Variants in WDR20 observed in about 807,000 individuals in gnomAD.
WDR20 encodes the protein WD repeat-containing protein 20.
A neutral mutation model predicts 38.7 loss-of-function variants in WDR20; 3 were observed. That is an observed-to-expected ratio of 0.08 (90% CI 0.04 to 0.20). WDR20 has a LOEUF of 0.20. Among genes scored for constraint, WDR20 ranks in the 10% least tolerant of loss-of-function variants. The pLI is 1.00. For synonymous variants in WDR20, 298 were observed against 285.6 expected (o/e 1.04, Z -0.44); for missense variants, 559 against 727.7 (o/e 0.77, Z 2.67).
chr14:102,194,319 A>G (rs2059048717), intron 1 of WDR20, among the ~76,000 whole-genome samples: 2 of 152,214 alleles, frequency 1.3e-5, no homozygotes, highest in South Asian at 2.1e-4. Flanking sequence ...AGCCACCTGT[A>G]TAGAGTGGGC....
chr14:102,161,489 T>G (rs1009115235), intron 1 of WDR20, among the ~76,000 whole-genome samples: 1 of 151,944 alleles, frequency 6.6e-6, no homozygotes, highest in African/African-American at 2.4e-5. Flanking sequence ...AATTTTTGTG[T>G]TTTTTGTATA....
Position 102,195,038 on chromosome 14 carries a change from C to T in WDR20, c.350C>T (p.Ser117Phe). 1.2e-6 allele frequency: 2 copies of T among 1,614,230 alleles called. No homozygotes were observed. Among genetic ancestry groups the T allele is most frequent in the Non-Finnish European group, 1.7e-6 (2 of 1,180,042 alleles). Reference protein sequence around the residue: ...NHLTATAESVSLLVGFSAGQV... With the variant: ...NHLTATAESVFLLVGFSAGQV... The stretch of plus-strand genomic sequence containing the variant: ...CTAACAGCCACAGCAGAAAGTGTCT[C>T]TCTCCTAGTGGGCTTTTCCGCAGGC... The change falls in exon 2 of 3, where the codon TCT (serine) becomes TTT (phenylalanine). Residue 117 changes from serine (S) to phenylalanine (F), a missense_variant. Coordinates refer to ENST00000342702, the MANE Select transcript of WDR20 (RefSeq NM_144574.4).
chr14:102,206,497 G>T (rs958758660), intron 2 of WDR20, among the ~76,000 whole-genome samples: 1 of 152,166 alleles, frequency 6.6e-6, no homozygotes, highest in East Asian at 1.9e-4. Flanking sequence ...TAACCGTGCT[G>T]CTAGAAGTTT....
At chr14:102,172,096 G>T (rs1196171611) in intron 1 of WDR20, among the ~76,000 whole-genome samples, 2 of 151,372 alleles carry the variant, frequency 1.3e-5, no homozygotes, top group South Asian at 2.1e-4. Flanking sequence ...AGATTAGGGA[G>T]TGGTGATGAC....
intron 1 of WDR20, among the ~76,000 whole-genome samples, chr14:102,158,141 A>G (rs2057866588): frequency 6.6e-6 from 1 of 152,088 alleles, no homozygotes; most frequent in African/African-American, 2.4e-5. Context: ...GCTAAAGTGA[A>G]TCCTCTGCCT....
chr14:102,203,073 T>G (rs1446493083), intron 2 of WDR20, among the ~76,000 whole-genome samples: 1 of 152,172 alleles, frequency 6.6e-6, no homozygotes, highest in East Asian at 1.9e-4. Context: ...CATAGCCTCC[T>G]AACTGGTTCC....
intron 1 of WDR20, among the ~76,000 whole-genome samples, chr14:102,142,774 CTTTTTTT>C (rs71116885): frequency 1.2e-3 from 100 of 85,018 alleles, no homozygotes; most frequent in African/African-American, 4.1e-3. Context: ...GCTGTTTTGA[CTTTTTTT>C]TTTTTTTTTT....
intron 1 of WDR20, among the ~76,000 whole-genome samples, chr14:102,150,269 A>G (rs983779094): frequency 3.3e-5 from 5 of 152,090 alleles, no homozygotes; most frequent in Non-Finnish European, 7.4e-5. Flanking sequence ...TGAGGCTAGG[A>G]GTTGGAAACA....
intron 1 of WDR20, among the ~76,000 whole-genome samples, chr14:102,163,627 C>CAAAAAAAA (rs58628061): frequency 0.032 from 2,011 of 62,712 alleles, 404 homozygotes; most frequent in African/African-American, 0.14. Context: ...GACTCTGTCT[C>CAAAAAAAA]AAAAAAAAAA....
At chr14:102,167,900 A>G (rs2060071183) in intron 1 of WDR20, among the ~76,000 whole-genome samples, 1 of 152,204 alleles carries the variant, frequency 6.6e-6, no homozygotes, top group Non-Finnish European at 1.5e-5. Context: ...TGAATGGATA[A>G]ATATACAAGG....
chr14:102,174,476 A>G (rs1312138880), intron 1 of WDR20, among the ~76,000 whole-genome samples: 1 of 152,098 alleles, frequency 6.6e-6, no homozygotes, highest in African/African-American at 2.4e-5. Flanking sequence ...CTAGAGTGCA[A>G]TGGCACAATC....
intron 1 of WDR20, among the ~76,000 whole-genome samples, chr14:102,175,060 A>G (rs1420573775): frequency 6.6e-6 from 1 of 152,114 alleles, no homozygotes; most frequent in Non-Finnish European, 1.5e-5. Context: ...TTTTTCATTT[A>G]ATTAAGTCCC....
chr14:102,178,625 A>G (rs184672359), intron 1 of WDR20, among the ~76,000 whole-genome samples: 197 of 151,936 alleles, frequency 1.3e-3, no homozygotes, highest in African/African-American at 4.6e-3. Flanking sequence ...AGGCTCAGCA[A>G]TCTGTGGTGT....
At chr14:102,146,109 C>T (rs2053558126) in intron 1 of WDR20, among the ~76,000 whole-genome samples, 1 of 151,776 alleles carries the variant, frequency 6.6e-6, no homozygotes, top group Non-Finnish European at 1.5e-5. Context: ...GGAAAGCAAG[C>T]TGAAAACATT....
intron 1 of WDR20, among the ~76,000 whole-genome samples, chr14:102,141,561 A>C (rs2152655547): frequency 6.6e-6 from 1 of 151,954 alleles, no homozygotes; most frequent in South Asian, 2.1e-4. Flanking sequence ...TTTTACTCCT[A>C]CTCCCAACTT....
rs11317533 is a variant in WDR20 at position 102,185,814 on chromosome 14, C to CA, written c.250-9108dup. 3.3e-3 allele frequency among the ~76,000 whole-genome samples: 367 copies of CA among 112,458 alleles called. 5 individuals carry two copies. The highest frequency in any genetic ancestry group is 0.03 in the East Asian group (105 of 3,454). The allele number at this position is 112,458 out of a possible 152,430, so 73.8% of individuals were successfully genotyped here. A position where few individuals can be genotyped will look rare whatever the true frequency, so the allele number is the denominator to read the frequency against. On this transcript the variant is annotated intron_variant, in intron 1 of 2. Coordinates refer to ENST00000342702, the MANE Select transcript of WDR20 (RefSeq NM_144574.4). The stretch of plus-strand genomic sequence containing the variant: ...TGGGCGACAGAGCGAGACTCCATCT[C>CA]AAAAAAAAAAAAAAAAGCATTATAT...
chr14:102,220,750 A>G lies in WDR20; in HGVS notation c.1693-2080A>G. On this transcript the variant is annotated intron_variant, in intron 3 of 3. Coordinates refer to the WDR20 transcript ENST00000335263. This position sits in a 1 kb window ranked among gnomAD's most constrained non-coding sequence, Gnocchi z 4.2. Reference sequence around the variant, plus strand: ...AAAAAAAAAAAAAGAAAATATTAAAATTAATGTCACTTGTTTTTATTATCT... The same window carrying G: ...AAAAAAAAAAAAAGAAAATATTAAAGTTAATGTCACTTGTTTTTATTATCT... 6.6e-6 allele frequency among the ~76,000 whole-genome samples: 1 copy of G among 151,758 alleles called. No individual in the cohort carries two copies. Among genetic ancestry groups the G allele is most frequent in the South Asian group, 2.1e-4 (1 of 4,818 alleles).
At chr14:102,152,261 G>A (rs2056159042) in intron 1 of WDR20, among the ~76,000 whole-genome samples, 1 of 151,936 alleles carries the variant, frequency 6.6e-6, no homozygotes, top group Non-Finnish European at 1.5e-5. Flanking sequence ...GAAATGATCT[G>A]AACATCCCTG....
At chr14:102,187,744 G>A (rs1223341400) in intron 1 of WDR20, among the ~76,000 whole-genome samples, 2 of 152,222 alleles carry the variant, frequency 1.3e-5, no homozygotes, top group African/African-American at 4.8e-5. Context: ...TAGAGAGGCT[G>A]AGCTAAGCTG....
Sources: gnomAD v4.1 joint callset for allele counts (sites outside exome capture counted in the v4.1 genomes callset) on GRCh38, gnomAD v4.1.1 for gene constraint, Gnocchi (gnomAD v3.1) non-coding constraint, MANE v1.5 for transcripts, NCBI Gene and HGNC (gene_info 2026-07-23, HGNC 2026-07-21) for gene names.